Variants in CR1 observed in about 807,000 individuals in gnomAD.
The protein encoded by CR1 is complement C3b/C4b receptor 1 (Knops blood group).
Under a neutral mutation model 187.3 loss-of-function variants are expected in CR1, and 116 were observed. The ratio of observed to expected loss-of-function variants is 0.62; its 90% CI spans 0.53 to 0.72. The LOEUF (loss-of-function observed/expected upper bound fraction) is 0.72. Ranked by LOEUF, CR1 falls within the 30% of genes least tolerant of loss-of-function variation. The probability of loss-of-function intolerance (pLI) is 0.00; values close to 1 mark genes in which losing one functional copy is unlikely to be tolerated. For synonymous variants in CR1, 576 were observed against 747.1 expected (o/e 0.77, Z 3.73); for missense variants, 1,731 against 2,110.7 (o/e 0.82, Z 3.52).
At chr1:207,514,893 G>A (rs920573631) in intron 4 of CR1, among the ~76,000 whole-genome samples, 1 of 148,928 alleles carries the variant, frequency 6.7e-6, no homozygotes, top group African/African-American at 2.5e-5. Flanking sequence ...ACCAGAAAAG[G>A]TATGTGGCCT....
At chr1:207,516,694 A>G (rs1659819148) in intron 4 of CR1, among the ~76,000 whole-genome samples, 1 of 152,178 alleles carries the variant, frequency 6.6e-6, no homozygotes, top group Admixed American at 6.5e-5. Context: ...AATGTACATT[A>G]TAGAAGTCAT....
At chr1:207,579,331 A>G (rs1660863115) in intron 29 of CR1, among the ~76,000 whole-genome samples, 1 of 152,316 alleles carries the variant, frequency 6.6e-6, no homozygotes, top group Middle Eastern at 3.4e-3. Context: ...CTACCAACCC[A>G]TGTTAGCCTT....
chr1:207,617,507 A>ATATATATATGTGTG lies in CR1; in HGVS notation c.6890-563_6890-562insATATATATGTGTGT, dbSNP rs1332301171. On this transcript the variant is annotated intron_variant, in intron 41 of 46. Coordinates refer to ENST00000367049, the MANE Select transcript of CR1 (RefSeq NM_000651.6). ...AGTATATATATATATATATATATAT[A>ATATATATATGTGTG]TGTGTGTGTGTGTGTGTGTGTGTGT... Among the ~76,000 whole-genome samples, 303 of 47,012 alleles carry ATATATATATGTGTG rather than the reference A, an allele frequency of 6.4e-3. 14 individuals are homozygous for ATATATATATGTGTG. The highest frequency in any genetic ancestry group is 0.019 in the Middle Eastern group (2 of 108). 30.8% of individuals were successfully genotyped at this position (47,012 alleles called of 152,430 possible). A position where few individuals can be genotyped will look rare whatever the true frequency, so the allele number is the denominator to read the frequency against.
At chr1:207,498,694 C>T (rs1388722028) in intron 1 of CR1, among the ~76,000 whole-genome samples, 2 of 151,644 alleles carry the variant, frequency 1.3e-5, no homozygotes, top group Non-Finnish European at 2.9e-5. Context: ...GCCTGGCCAA[C>T]ATAGTGAAAC....
chr1:207,506,962 A>C (rs1218007406), intron 3 of CR1, 149 bp downstream of exon 3: 7 of 634,780 alleles, frequency 1.1e-5, no homozygotes, highest in Non-Finnish European at 1.3e-5. Context: ...TCCTGACTGA[A>C]ATGAGCAAAG....
chr1:207,598,707 C>T (rs374619226), intron 35 of CR1: 5 of 152,324 alleles, frequency 3.3e-5, no homozygotes, highest in East Asian at 3.9e-4. Flanking sequence ...TGGGAGCCAC[C>T]GCGCCTGGCC....
Position 207,588,687 on chromosome 1 carries a change from G to A in CR1, c.5723G>A (p.Gly1908Glu), listed in dbSNP as rs764830223. 1 of 1,611,976 alleles carries A rather than the reference G, an allele frequency of 6.2e-7. No individual in the cohort carries two copies. The highest frequency in any genetic ancestry group is 1.1e-5 in the South Asian group (1 of 90,748). The change falls in exon 35 of 47, where the codon GGA (glycine) becomes GAA (glutamate). Residue 1908 changes from glycine to glutamate, a missense_variant. By Grantham distance (98) the Gly-to-Glu change is moderately conservative. Coordinates refer to ENST00000367049, the MANE Select transcript of CR1 (RefSeq NM_000651.6). ...CTTCTTCCCCTAGGAAAATCATGTG[G>A]ACCTCCACCAGAACCCTTCAATGGA... The part of the protein sequence containing the change: ...VEDNCRRKSC[G>E]PPPEPFNGMV...
At chr1:207,521,083 C>T (rs781188366) in intron 4 of CR1, among the ~76,000 whole-genome samples, 1 of 146,794 alleles carries the variant, frequency 6.8e-6, no homozygotes, top group Non-Finnish European at 1.5e-5. Flanking sequence ...TTCAAGTTAT[C>T]CTCCCACTTC....
Position 207,511,563 on chromosome 1 carries a change from CT to C in CR1, c.402-5del. ...GAATGTAACATTCCTTATTTTTTGCCTCTAGATACCGACTCATTGGTTCCTC... is the reference window on the plus strand; with the variant it reads ...GAATGTAACATTCCTTATTTTTTGCCCTAGATACCGACTCATTGGTTCCTC... On this transcript the variant is annotated splice_region_variant and splice_polypyrimidine_tract_variant and intron_variant, in intron 3 of 46. Transcript: ENST00000367049. The C allele has an allele frequency of 6.2e-7, 1 of 1,612,146 alleles. No individual in the cohort carries two copies. Among genetic ancestry groups the C allele is most frequent in the Non-Finnish European group, 8.5e-7 (1 of 1,178,804 alleles).
intron 46 of CR1, among the ~76,000 whole-genome samples, chr1:207,631,606 T>C (rs1417380507): frequency 6.6e-6 from 1 of 152,210 alleles, no homozygotes; most frequent in Non-Finnish European, 1.5e-5. Context: ...CTCCTCTCTT[T>C]TGTTCAAATC....
intron 37 of CR1, 122 bp from the exon 38 acceptor site, chr1:207,611,555 A>T: frequency 7.1e-7 from 1 of 1,412,804 alleles, no homozygotes; most frequent in Non-Finnish European, 9.6e-7. Flanking sequence ...CTGAACTACC[A>T]ATCTTCTCTT....
chr1:207,628,273 C>A (rs1293145392), intron 45 of CR1, among the ~76,000 whole-genome samples: 2 of 152,038 alleles, frequency 1.3e-5, no homozygotes, highest in Non-Finnish European at 2.9e-5. Context: ...CTATTCTCCT[C>A]ACCATCCCTG....
intron 1 of CR1, among the ~76,000 whole-genome samples, chr1:207,503,713 T>C (rs894495588): frequency 6.6e-6 from 1 of 152,212 alleles, no homozygotes; most frequent in African/African-American, 2.4e-5. Context: ...CAAAGCCCTT[T>C]AACCATTACA....
chr1:207,523,743 T>C lies in CR1; in HGVS notation c.620T>C (p.Leu207Pro). 6.2e-7 allele frequency: 1 copy of C among 1,612,296 alleles called. No homozygotes were observed. The change falls in exon 5 of 47, where the codon CTT (leucine) becomes CCT (proline). Residue 207 changes from leucine (L) to proline (P), a missense_variant. Leu to Pro is a moderately conservative substitution (Grantham distance 98). Coordinates refer to ENST00000367049, the MANE Select transcript of CR1 (RefSeq NM_000651.6). The stretch of plus-strand genomic sequence containing the variant: ...AGCGGAGGGAGAAAGGTGTTTGAGC[T>C]TGTGGGTGAGCCCTCCATATACTGC... ...PGSGGRKVFE[L>P]VGEPSIYCTS... is the part of the protein sequence containing the mutation.
At chr1:207,598,488 C>T (rs1161519498) in intron 35 of CR1, among the ~76,000 whole-genome samples, 3 of 150,962 alleles carry the variant, frequency 2.0e-5, no homozygotes, top group South Asian at 2.1e-4. Flanking sequence ...GGCACTATCT[C>T]GGTTCACTGC....
chr1:207,516,267 G>C (rs1659806439), intron 4 of CR1, among the ~76,000 whole-genome samples: 1 of 152,118 alleles, frequency 6.6e-6, no homozygotes, highest in African/African-American at 2.4e-5. Context: ...ACTATTCCTT[G>C]CATAGTGCAA....
chr1:207,638,376 C>T (rs1392154317), intron 46 of CR1, among the ~76,000 whole-genome samples: 1 of 152,220 alleles, frequency 6.6e-6, no homozygotes, highest in Non-Finnish European at 1.5e-5. Context: ...AATGTAAAAT[C>T]ACAGTACTTT....
intron 1 of CR1, among the ~76,000 whole-genome samples, chr1:207,497,522 A>T (rs1659125690): frequency 6.6e-6 from 1 of 152,200 alleles, no homozygotes; most frequent in South Asian, 2.1e-4. Flanking sequence ...TAAATAAAAT[A>T]AAATAAAGTA....
At chr1:207,518,114 T>C (rs1426449263) in intron 4 of CR1, among the ~76,000 whole-genome samples, 1 of 152,184 alleles carries the variant, frequency 6.6e-6, no homozygotes, top group Non-Finnish European at 1.5e-5. Flanking sequence ...TCTCTAAAAC[T>C]GTTTTATTTA....
Sources: gnomAD v4.1 joint callset for allele counts (sites outside exome capture counted in the v4.1 genomes callset) on GRCh38, gnomAD v4.1.1 for gene constraint, MANE v1.5 for transcripts, NCBI Gene and HGNC (gene_info 2026-07-23, HGNC 2026-07-21) for gene names.